The following GNE variants were observed in gnomAD, a reference collection of about 807,000 sequenced individuals.
GNE encodes glucosamine (UDP-N-acetyl)-2-epimerase/N-acetylmannosamine kinase, also known as bifunctional UDP-N-acetylglucosamine 2-epimerase/N-acetylmannosamine kinase.
GNE carries 41 observed loss-of-function variants against 61.8 expected under a neutral mutation model. The ratio of observed to expected loss-of-function variants is 0.66; its 90% CI spans 0.52 to 0.86. The LOEUF (loss-of-function observed/expected upper bound fraction) is 0.86, where lower values mean the gene tolerates loss of function less well. Among genes scored for constraint, GNE ranks in the 40% least tolerant of loss-of-function variants. The pLI is 0.00. For synonymous variants in GNE, 264 were observed against 326.4 expected (o/e 0.81, Z 2.06); for missense variants, 608 against 909.1 (o/e 0.67, Z 4.26).
chr9:36,220,170 T>C (rs1192335121), intron 9 of GNE, 150 bp from the exon 10 acceptor site: 1 of 723,122 alleles, frequency 1.4e-6, no homozygotes, highest in Non-Finnish European at 2.5e-6. Flanking sequence ...CATCAAAGCA[T>C]TCTCTGGCAG....
intron 8 of GNE, 90 bp from the exon 9 acceptor site, chr9:36,223,088 T>C: frequency 8.2e-7 from 1 of 1,219,048 alleles, no homozygotes; most frequent in Non-Finnish European, 1.2e-6. Context: ...CACAGATTCA[T>C]TCACCCCAGA....
chr9:36,270,964 C>T (rs200396922), intron 1 of GNE, among the ~76,000 whole-genome samples: 2 of 152,156 alleles, frequency 1.3e-5, no homozygotes, highest in Non-Finnish European at 2.9e-5. Flanking sequence ...TGCATTCCCT[C>T]GCTCCTTTCA....
rs1398187237 is a variant in GNE at position 36,227,530 on chromosome 9, G to A, written c.1071-72C>T. On this transcript the variant is annotated intron_variant, in intron 6 of 11. Coordinates refer to ENST00000642385, the MANE Select transcript of GNE (RefSeq NM_005476.7). ...TGTTAAGTGGTAGTGAGGGTATAATGTAATGGAAACTGAGACTTCAGGTAA... is the reference window on the plus strand; with the variant it reads ...TGTTAAGTGGTAGTGAGGGTATAATATAATGGAAACTGAGACTTCAGGTAA... 146 of 960,478 alleles carry A rather than the reference G, an allele frequency of 1.5e-4. No homozygotes were observed. The South Asian group carries it at 1.6e-3, about 11-fold the overall frequency. 59.5% of individuals were successfully genotyped at this position (960,478 alleles called of 1,614,324 possible). A position where few individuals can be genotyped will look rare whatever the true frequency, so the allele number is the denominator to read the frequency against.
intron 1 of GNE, among the ~76,000 whole-genome samples, chr9:36,253,530 G>A (rs1237053223): frequency 2.6e-5 from 4 of 151,116 alleles, no homozygotes; most frequent in Admixed American, 6.6e-5. Flanking sequence ...CACCCACCTC[G>A]GCCTCCCAAC....
rs1554657462 is a variant in GNE, at chr9:36,216,336, T to TGTGTGTGC, written c.*1028_*1029insGCACACAC. ...GGTTAGAGGAGGAAGGATGTGTGTG[T>TGTGTGTGC]GTGTGTGTGTGTGTGTGTAGACGGA... On this transcript the variant is annotated 3_prime_UTR_variant, in exon 12 of 12. Coordinates refer to ENST00000642385, the MANE Select transcript of GNE (RefSeq NM_005476.7). The TGTGTGTGC allele has an allele frequency of 4.8e-6, 2 of 416,728 alleles. No individual in the cohort carries two copies. Among genetic ancestry groups the TGTGTGTGC allele is most frequent in the South Asian group, 1.6e-5 (1 of 61,238 alleles). The allele number at this position is 416,728 out of a possible 1,614,324, so 25.8% of individuals were successfully genotyped here. A position where few individuals can be genotyped will look rare whatever the true frequency, so the allele number is the denominator to read the frequency against.
chr9:36,271,863 T>C (rs1831041248), intron 1 of GNE, among the ~76,000 whole-genome samples: 1 of 152,194 alleles, frequency 6.6e-6, no homozygotes, highest in South Asian at 2.1e-4. Flanking sequence ...TAGCCCTGTT[T>C]GGTATGCTTG....
At chr9:36,219,026 G>T (rs1327524048) in intron 10 of GNE, among the ~76,000 whole-genome samples, 1 of 152,116 alleles carries the variant, frequency 6.6e-6, no homozygotes, top group Non-Finnish European at 1.5e-5. Flanking sequence ...GACCCTGAAG[G>T]AGAAAAATCC....
intron 9 of GNE, among the ~76,000 whole-genome samples, chr9:36,220,505 G>A (rs1181509701): frequency 1.3e-5 from 2 of 152,112 alleles, no homozygotes; most frequent in Non-Finnish European, 2.9e-5. Context: ...GTGGAGTTCA[G>A]CCCCCTTTGC....
rs1828342832 is a variant in GNE at position 36,217,022 on chromosome 9, G to GC, written c.*342dup. 1 of 357,714 alleles carries GC rather than the reference G, an allele frequency of 2.8e-6. No individual in the cohort carries two copies. Among genetic ancestry groups the GC allele is most frequent in the African/African-American group, 2.1e-5 (1 of 47,370 alleles). 22.2% of individuals were successfully genotyped at this position (357,714 alleles called of 1,614,324 possible). ...AGGATGAAGTGATATCCCAGGCAAG[G>GC]CCTGAAGGTCTCAGTGGTATTAATA... On this transcript the variant is annotated 3_prime_UTR_variant, in exon 12 of 12. Coordinates refer to ENST00000642385, the MANE Select transcript of GNE (RefSeq NM_005476.7).
At chr9:36,266,736 C>T (rs921532292) in intron 1 of GNE, among the ~76,000 whole-genome samples, 6 of 152,164 alleles carry the variant, frequency 3.9e-5, no homozygotes, top group African/African-American at 1.4e-4. Context: ...AGTGAAACCC[C>T]GTCTCTACTA....
At chr9:36,217,702 A>C in intron 11 of GNE, 102 bp from the exon 12 acceptor site, 1 of 752,794 alleles carries the variant, frequency 1.3e-6, no homozygotes, top group Non-Finnish European at 2.4e-6. Flanking sequence ...GTTAAAGAAC[A>C]TCCACGGCAT....
chr9:36,251,304 G>A (rs10758353), intron 1 of GNE, among the ~76,000 whole-genome samples: 115,031 of 152,026 alleles, frequency 0.76, 44,010 homozygotes, highest in Non-Finnish European at 0.8. Context: ...CAGATATACT[G>A]TTGCTCAGCT....
rs1174044071 is a variant in GNE at position 36,216,664 on chromosome 9, TA to T, written c.*700del. The stretch of plus-strand genomic sequence containing the variant: ...GGATTATTATTATTATTATTATTAT[TA>T]TTATTATTTATTATTATTATTTTTG... On this transcript the variant is annotated 3_prime_UTR_variant, in exon 12 of 12. Transcript: ENST00000642385. 4 of 104,650 alleles carry T rather than the reference TA, an allele frequency of 3.8e-5. No homozygotes were observed. Among genetic ancestry groups the T allele is most frequent in the African/African-American group, 1.3e-4 (4 of 31,214 alleles). The allele number at this position is 104,650 out of a possible 1,614,324, so 6.5% of individuals were successfully genotyped here. A position where few individuals can be genotyped will look rare whatever the true frequency, so the allele number is the denominator to read the frequency against.
At chr9:36,236,766 A>G in intron 4 of GNE, 66 bp downstream of exon 4, 1 of 1,373,632 alleles carries the variant, frequency 7.3e-7, no homozygotes, top group South Asian at 1.2e-5. Flanking sequence ...AGGCAGTTAA[A>G]AGAAGTAATA....
rs772489205 is a variant in GNE, at chr9:36,222,969, G to A, written c.1441C>T (p.Arg481Trp). The A allele has an allele frequency of 7.4e-6, 12 of 1,613,962 alleles. No homozygotes were observed. Among genetic ancestry groups the A allele is most frequent in the Admixed American group, 6.7e-5 (4 of 60,020 alleles). Residue 481 changes from arginine (R) to tryptophan (W), a missense_variant, in exon 9 of 12, where the codon CGG (arginine) becomes TGG (tryptophan). Arg to Trp is a moderately radical substitution (Grantham distance 101, BLOSUM62 -3). Transcript: ENST00000642385. ...GISTGGRVNPREGIVLHSTKL... is the reference protein window; with the variant it reads ...GISTGGRVNPWEGIVLHSTKL... ...GTTGAATGCAGCACAATTCCTTCCC[G>A]AGGATTTACACGGCCACCTGTGGAA...
chr9:36,231,066 T>TAAAAAAAAAAAAAAAAAAAA (rs529903965), intron 5 of GNE, among the ~76,000 whole-genome samples: 1 of 68,374 alleles, frequency 1.5e-5, no homozygotes, highest in African/African-American at 4.6e-5. Flanking sequence ...ACTGCTTCAC[T>TAAAAAAAAAAAAAAAAAAAA]AAAAAAAAAA....
intron 6 of GNE, among the ~76,000 whole-genome samples, chr9:36,228,793 C>CAAAAAAAAAAAAAA (rs71336431): frequency 1.4e-5 from 1 of 72,578 alleles, no homozygotes; most frequent in Non-Finnish European, 2.8e-5. Flanking sequence ...GAGTCCATCT[C>CAAAAAAAAAAAAAA]AAAAAAAAAA....
chr9:36,248,006 A>C (rs906064026), intron 2 of GNE, among the ~76,000 whole-genome samples: 5 of 141,844 alleles, frequency 3.5e-5, no homozygotes, highest in African/African-American at 1.3e-4. Flanking sequence ...AGCCTGGGCA[A>C]CAAGAGCAAA....
At chr9:36,266,077 A>G (rs1239588604) in intron 1 of GNE, among the ~76,000 whole-genome samples, 1 of 152,132 alleles carries the variant, frequency 6.6e-6, no homozygotes, top group Admixed American at 6.5e-5. Flanking sequence ...AGCTGGGATT[A>G]CAGGCATGCG....
Sources: gnomAD v4.1 joint callset for allele counts (sites outside exome capture counted in the v4.1 genomes callset) on GRCh38, gnomAD v4.1.1 for gene constraint, MANE v1.5 for transcripts, NCBI Gene and HGNC (gene_info 2026-07-23, HGNC 2026-07-21) for gene names.